PVT1: variants seen among roughly 807,000 people sequenced by gnomAD.
The protein encoded by PVT1 is CXCR4/PVT1 fusion.
At chr8:127,962,466 A>T (rs1816655842) in intron 3 of PVT1, among the ~76,000 whole-genome samples, 1 of 152,212 alleles carries the variant, frequency 6.6e-6, no homozygotes, top group Admixed American at 6.5e-5. Context: ...CAGCTGTGAC[A>T]TTATAGATCA....
At chr8:127,871,816 C>A (rs1815354463) in intron 2 of PVT1, among the ~76,000 whole-genome samples, 1 of 152,224 alleles carries the variant, frequency 6.6e-6, no homozygotes, top group Admixed American at 6.5e-5. Context: ...TGGCTGAGCG[C>A]AGTGGCTCAC....
At chr8:128,081,739 A>G (rs889572084) in intron 5 of PVT1, among the ~76,000 whole-genome samples, 4 of 152,206 alleles carry the variant, frequency 2.6e-5, no homozygotes, top group African/African-American at 9.6e-5. Context: ...ACTGAATACC[A>G]ATAATGGAAA....
chr8:128,056,458 T>A (rs1189005465), intron 4 of PVT1, among the ~76,000 whole-genome samples: 1 of 152,226 alleles, frequency 6.6e-6, no homozygotes, highest in African/African-American at 2.4e-5. Flanking sequence ...TAAAATTGCA[T>A]GCATAGCTCG....
At chr8:128,094,479 T>G (rs1814401124) in intron 5 of PVT1, among the ~76,000 whole-genome samples, 1 of 152,212 alleles carries the variant, frequency 6.6e-6, no homozygotes, top group African/African-American at 2.4e-5. Context: ...GTGCAGAGCT[T>G]TCACTCAATG....
At chr8:128,008,109 C>A (rs553139956) in intron 4 of PVT1, among the ~76,000 whole-genome samples, 53 of 152,296 alleles carry the variant, frequency 3.5e-4, no homozygotes, top group African/African-American at 1.3e-3. Flanking sequence ...TTGCATTTAC[C>A]TCTTTAAGGA....
In PVT1 at chr8:127,857,255, A is replaced by G. The variant is rs115933008; in HGVS notation, n.373-33334A>G. 7.5e-3 allele frequency among the ~76,000 whole-genome samples: 1,142 copies of G among 152,240 alleles called. 13 individuals are homozygous for G. Among genetic ancestry groups the G allele is most frequent in the African/African-American group, 0.026 (1,083 of 41,530 alleles). ...ATAATAATAATAGTAATATAATAAT[A>G]ATCCGAGAGTGCTTACCATGTGCCT... is the stretch of plus-strand genomic sequence containing the variant. On this transcript the variant is annotated intron_variant and non_coding_transcript_variant, in intron 2 of 10. Transcript: ENST00000651587.
chr8:128,073,323 T>C (rs1168020956), intron 5 of PVT1, among the ~76,000 whole-genome samples: 1 of 152,154 alleles, frequency 6.6e-6, no homozygotes, highest in Non-Finnish European at 1.5e-5. Context: ...AATTTTATTG[T>C]TTTTTAATTT....
chr8:128,019,804 T>A (rs1817413299), intron 4 of PVT1, among the ~76,000 whole-genome samples: 1 of 152,226 alleles, frequency 6.6e-6, no homozygotes, highest in Non-Finnish European at 1.5e-5. Context: ...GGCAGCAGCT[T>A]GGCACTCGGA....
chr8:127,819,359 G>C (rs147088228), intron 2 of PVT1, among the ~76,000 whole-genome samples: 2 of 152,142 alleles, frequency 1.3e-5, no homozygotes, highest in Non-Finnish European at 2.9e-5. Flanking sequence ...CTGTCACCAG[G>C]CTTTGCTCTG....
chr8:127,927,788 T>C (rs1563641814), intron 3 of PVT1, among the ~76,000 whole-genome samples: 1 of 152,360 alleles, frequency 6.6e-6, no homozygotes, highest in East Asian at 1.9e-4. Context: ...CTGCAGGTGC[T>C]CTGTCAGCAG....
intron 3 of PVT1, among the ~76,000 whole-genome samples, chr8:127,904,495 C>T (rs1563635227): frequency 1.3e-5 from 2 of 152,104 alleles, no homozygotes. Context: ...ATGATGATGT[C>T]AACATCCATC....
chr8:127,850,252 C>A (rs539635022), intron 2 of PVT1, among the ~76,000 whole-genome samples: 1 of 152,080 alleles, frequency 6.6e-6, no homozygotes, highest in East Asian at 1.9e-4. Flanking sequence ...GAGGACCTAG[C>A]GGTCGGTCTG....
chr8:128,095,887 C>T (rs549321824), intron 5 of PVT1, among the ~76,000 whole-genome samples: 3 of 152,342 alleles, frequency 2.0e-5, no homozygotes, highest in East Asian at 3.9e-4. Context: ...TTCTGCCATG[C>T]TCTTTCGGCA....
chr8:127,971,598 G>A (rs901542685), intron 3 of PVT1, among the ~76,000 whole-genome samples: 1 of 152,194 alleles, frequency 6.6e-6, no homozygotes. Flanking sequence ...GCACTGCAGT[G>A]TAGCATAGAG....
At chr8:127,975,325 G>A (rs1428597044) in intron 3 of PVT1, among the ~76,000 whole-genome samples, 1 of 152,142 alleles carries the variant, frequency 6.6e-6, no homozygotes, top group Non-Finnish European at 1.5e-5. Context: ...GGTATTATTA[G>A]CTTAAAAAAA....
intron 3 of PVT1, among the ~76,000 whole-genome samples, chr8:127,917,501 G>A (rs919964731): frequency 6.6e-6 from 1 of 152,236 alleles, no homozygotes; most frequent in African/African-American, 2.4e-5. Flanking sequence ...TCTTGATCCA[G>A]GGGAACCATA....
intron 4 of PVT1, among the ~76,000 whole-genome samples, chr8:128,032,069 A>G (rs756501175): frequency 6.6e-6 from 1 of 152,202 alleles, no homozygotes; most frequent in Non-Finnish European, 1.5e-5. Flanking sequence ...TGGGATTTCA[A>G]ATCCATTTTC....
chr8:128,041,087 TTTGTGTGTGC>T (rs1813527006), intron 4 of PVT1, among the ~76,000 whole-genome samples: 1 of 151,428 alleles, frequency 6.6e-6, no homozygotes, highest in African/African-American at 2.4e-5. Flanking sequence ...TGTGCATATG[TTTGTGTGTGC>T]TTGTGTGTGA....
chr8:127,894,232 G>A (rs1032643645), intron 3 of PVT1, among the ~76,000 whole-genome samples: 1 of 152,148 alleles, frequency 6.6e-6, no homozygotes, highest in Non-Finnish European at 1.5e-5. Context: ...TCCCCACGGG[G>A]TGCCTGGAGC....
Sources: allele counts gnomAD v4.1 joint callset (sites outside exome capture counted in the v4.1 genomes callset), GRCh38; gene constraint gnomAD v4.1.1; transcripts MANE v1.5; gene names NCBI Gene and HGNC (gene_info 2026-07-23, HGNC 2026-07-21).